TTC7B: variants seen among roughly 807,000 people sequenced by gnomAD.
TTC7B encodes tetratricopeptide repeat protein 7B.
In TTC7B, 28 loss-of-function variants were observed where a neutral mutation model predicts 106.8. The observed-to-expected ratio is 0.26, with a 90% confidence interval of 0.19 to 0.36. The LOEUF (loss-of-function observed/expected upper bound fraction) is 0.36. Ranked by LOEUF, TTC7B falls within the 10% of genes least tolerant of loss-of-function variation. The probability of loss-of-function intolerance (pLI) is 1.00; values close to 1 mark genes in which losing one functional copy is unlikely to be tolerated. For synonymous variants in TTC7B, 405 were observed against 430.6 expected (o/e 0.94, Z 0.74); for missense variants, 862 against 1,076.4 (o/e 0.80, Z 2.79).
chr14:90,777,274 A>G (rs1440162036), intron 3 of TTC7B, among the ~76,000 whole-genome samples: 2 of 151,914 alleles, frequency 1.3e-5, no homozygotes, highest in Admixed American at 6.6e-5. Context: ...AGTGAATGAG[A>G]TACTGGGATA....
chr14:90,810,997 G>T (rs1437567646), intron 1 of TTC7B, among the ~76,000 whole-genome samples: 1 of 152,204 alleles, frequency 6.6e-6, no homozygotes, highest in Admixed American at 6.5e-5. Context: ...ATGCTGGAAA[G>T]GTTGGCCAGA....
chr14:90,582,432 C>T (rs1345290684), intron 18 of TTC7B, among the ~76,000 whole-genome samples: 1 of 152,254 alleles, frequency 6.6e-6, no homozygotes, highest in Non-Finnish European at 1.5e-5. Context: ...TCAGACAACA[C>T]AGGAGTGGCA....
chr14:90,703,086 T>C (rs1888059829), intron 5 of TTC7B, among the ~76,000 whole-genome samples: 1 of 152,120 alleles, frequency 6.6e-6, no homozygotes, highest in African/African-American at 2.4e-5. Context: ...CCACTTCCAC[T>C]GGGGAAGTGT....
At chr14:90,798,148 G>T (rs2029996738) in intron 1 of TTC7B, among the ~76,000 whole-genome samples, 1 of 152,134 alleles carries the variant, frequency 6.6e-6, no homozygotes, top group Non-Finnish European at 1.5e-5. Flanking sequence ...CCTAGCCCAG[G>T]CCAACCTGCT....
intron 1 of TTC7B, among the ~76,000 whole-genome samples, chr14:90,797,632 G>A (rs887987594): frequency 6.6e-6 from 1 of 152,014 alleles, no homozygotes; most frequent in Non-Finnish European, 1.5e-5. Flanking sequence ...ATTAGCATGA[G>A]TGTCTCCAGG....
intron 17 of TTC7B, chr14:90,602,267 A>G (rs142510594): frequency 2.2e-6 from 1 of 455,678 alleles, no homozygotes; most frequent in African/African-American, 2.0e-5. Context: ...TTCTCAGAAC[A>G]TTTAATGTGG....
At chr14:90,745,025 G>T in intron 3 of TTC7B, 103 bp from the exon 4 acceptor site, 1 of 1,163,750 alleles carries the variant, frequency 8.6e-7, no homozygotes, top group Non-Finnish European at 1.2e-6. Flanking sequence ...AGAATATCAT[G>T]TTGTTTGCAA....
At chr14:90,559,291 T>C (rs953000007) in intron 19 of TTC7B, among the ~76,000 whole-genome samples, 2 of 152,196 alleles carry the variant, frequency 1.3e-5, no homozygotes, top group Non-Finnish European at 2.9e-5. Flanking sequence ...AACAATGACT[T>C]GGAGGGAGAC....
At chr14:90,636,413 C>A in intron 15 of TTC7B, among the ~76,000 whole-genome samples, 1 of 129,500 alleles carries the variant, frequency 7.7e-6, no homozygotes, top group African/African-American at 2.8e-5. Flanking sequence ...GGAAAAACTG[C>A]TATAACGATG....
chr14:90,645,831 C>T (rs1885421627), intron 14 of TTC7B, among the ~76,000 whole-genome samples: 1 of 152,120 alleles, frequency 6.6e-6, no homozygotes, highest in South Asian at 2.1e-4. Context: ...GGTGGCATTC[C>T]AAGTGCCAGG....
chr14:90,639,788 C>G (rs1022542365), intron 15 of TTC7B, among the ~76,000 whole-genome samples: 1 of 152,096 alleles, frequency 6.6e-6, no homozygotes, highest in African/African-American at 2.4e-5. Context: ...TCACAGTAGA[C>G]TAAGTAAGGA....
rs1891184894 is a variant in TTC7B at position 90,574,670 on chromosome 14, G to A, written c.2310+3436C>T. Among the ~76,000 whole-genome samples the A allele has an allele frequency of 2.0e-5, 3 of 152,168 alleles. 1 individual carries two copies. In the South Asian group the frequency reaches 6.2e-4, roughly 32 times the overall value. Reference sequence around the variant, plus strand: ...TGCTTAAGCCATAGCCCTCCTGCAAGCTGCTGATCTGGCACCTGCTGCCAC... The same window carrying A: ...TGCTTAAGCCATAGCCCTCCTGCAAACTGCTGATCTGGCACCTGCTGCCAC... On this transcript the variant is annotated intron_variant, in intron 19 of 19. Transcript: ENST00000328459.
chr14:90,791,841 G>A (rs1016341426), intron 1 of TTC7B, among the ~76,000 whole-genome samples: 4 of 151,870 alleles, frequency 2.6e-5, no homozygotes, highest in Admixed American at 1.3e-4. Flanking sequence ...CCGAGCCCCC[G>A]ACTGCTTATG....
intron 19 of TTC7B, among the ~76,000 whole-genome samples, chr14:90,548,672 G>A (rs1208886472): frequency 6.6e-6 from 1 of 152,220 alleles, no homozygotes; most frequent in Non-Finnish European, 1.5e-5. Flanking sequence ...CACTGGGCAG[G>A]TGGCCAGTAA....
intron 12 of TTC7B, among the ~76,000 whole-genome samples, chr14:90,653,161 G>C (rs200288823): frequency 6.6e-6 from 1 of 152,204 alleles, no homozygotes; most frequent in East Asian, 1.9e-4. Context: ...GGTACTCCCA[G>C]GCATATGGGG....
At position 90,538,311 on chromosome 14, in the gene TTC7B, A is replaced by ACGG. The variant is rs1566757527; in HGVS notation, c.*3056_*3057insCCG. 3 of 149,682 alleles carry ACGG rather than the reference A, an allele frequency of 2.0e-5. No homozygotes were observed. The highest frequency in any genetic ancestry group is 5.0e-5 in the African/African-American group (2 of 40,074). 9.3% of individuals were successfully genotyped at this position (149,682 alleles called of 1,614,324 possible). On this transcript the variant is annotated 3_prime_UTR_variant, in exon 20 of 20. Coordinates refer to ENST00000328459, the MANE Select transcript of TTC7B (RefSeq NM_001010854.2). ...GGACGGACGGACGGGTGGACGGATGAATGGATGGATGGATGGATGGACGGA... is the reference window on the plus strand; with the variant it reads ...GGACGGACGGACGGGTGGACGGATGACGGATGGATGGATGGATGGATGGACGGA...
intron 13 of TTC7B, among the ~76,000 whole-genome samples, chr14:90,649,865 G>T (rs1236389477): frequency 6.6e-6 from 1 of 152,196 alleles, no homozygotes; most frequent in Non-Finnish European, 1.5e-5. Context: ...CTTCTGGGGA[G>T]CATGGAGATG....
At chr14:90,734,474 T>A (rs1027982572) in intron 4 of TTC7B, among the ~76,000 whole-genome samples, 1 of 151,254 alleles carries the variant, frequency 6.6e-6, no homozygotes, top group African/African-American at 2.4e-5. Flanking sequence ...TTCCACCTCA[T>A]AGATCTATAG....
At chr14:90,690,811 T>C (rs1399309135) in intron 6 of TTC7B, among the ~76,000 whole-genome samples, 1 of 152,198 alleles carries the variant, frequency 6.6e-6, no homozygotes, top group African/African-American at 2.4e-5. Context: ...TTGCTAAGCT[T>C]TCATCCATAT....
Sources: allele counts gnomAD v4.1 joint callset (sites outside exome capture counted in the v4.1 genomes callset), GRCh38; gene constraint gnomAD v4.1.1; transcripts MANE v1.5; gene names NCBI Gene and HGNC (gene_info 2026-07-23, HGNC 2026-07-21).